Variants in PATZ1 observed in about 807,000 individuals in gnomAD.
PATZ1 encodes POZ/BTB and AT hook containing zinc finger 1.
A neutral mutation model predicts 46.2 loss-of-function variants in PATZ1; 9 were observed. The observed-to-expected ratio is 0.19, with a 90% CI of 0.12 to 0.34. PATZ1 has a LOEUF of 0.34. Among genes scored for constraint, PATZ1 ranks in the 10% least tolerant of loss-of-function variants. PATZ1 has a pLI of 1.00. For missense variants in PATZ1, 632 were observed against 923.0 expected, an observed-to-expected ratio of 0.68 and a Z score of 4.08; for synonymous variants, 426 against 378.6, an observed-to-expected ratio of 1.13 and a Z score of -1.45.
chr22:31,341,441 C>T, intron 2 of PATZ1: 1 of 1,593,764 alleles, frequency 6.3e-7, no homozygotes, highest in Non-Finnish European at 8.6e-7. Flanking sequence ...CCCTGCTGCC[C>T]TCTGGGGTGG....
chr22:31,343,503 A>C, intron 1 of PATZ1: 1 of 905,412 alleles, frequency 1.1e-6, no homozygotes, highest in African/African-American at 1.8e-5. Flanking sequence ...GGGCTGCCTG[A>C]CCGGTAAGAC....
At chr22:31,336,836 G>A (rs1157796771) in intron 2 of PATZ1, among the ~76,000 whole-genome samples, 6 of 145,846 alleles carry the variant, frequency 4.1e-5, no homozygotes, top group Non-Finnish European at 1.5e-5. Flanking sequence ...AAATCCGGGC[G>A]CGGTGGCTCA....
rs1261586818 is a variant in PATZ1, at chr22:31,327,275, C to T, written c.1680G>A (p.Glu560=). Reference sequence around the variant, plus strand: ...AGAGGTCACCATAGGAGTCAGAGCTCTCAATCGGATCCTGATGTGAGCATT... The same window carrying T: ...AGAGGTCACCATAGGAGTCAGAGCTTTCAATCGGATCCTGATGTGAGCATT... ...GQKCSHQDPI[E]SSDSYGDLSD... The change falls in exon 5 of 5, where the codon GAG becomes GAA. Residue 560 remains glutamate, a synonymous_variant. Transcript: ENST00000266269. This position sits in a 1 kb window ranked among gnomAD's most constrained non-coding sequence, Gnocchi z 4.2. The T allele has an allele frequency of 6.2e-7, 1 of 1,614,156 alleles. No homozygotes were observed. Among genetic ancestry groups the T allele is most frequent in the Admixed American group, 1.7e-5 (1 of 60,030 alleles).
In PATZ1 at chr22:31,345,616, TC is replaced by T. The variant is rs2049644530; in HGVS notation, c.-15del. The T allele has an allele frequency of 1.3e-6, 2 of 1,576,682 alleles. No homozygotes were observed. The highest frequency in any genetic ancestry group is 8.6e-7 in the Non-Finnish European group (1 of 1,156,978). On this transcript the variant is annotated 5_prime_UTR_variant, in exon 1 of 5. Transcript: ENST00000266269. The surrounding 1 kb of genome is among the most constrained non-coding windows in gnomAD (Gnocchi z 7.4). ...CACCCGCTCCATGGCCGCCGCCCCC[TC>T]CCACTAGCCCGGCCGCTGCACCTGC...
Position 31,344,358 on chromosome 22 carries a change from G to A in PATZ1, c.1245C>T (p.Cys415=). 6.2e-7 allele frequency: 1 copy of A among 1,612,038 alleles called. No individual in the cohort carries two copies. The highest frequency in any genetic ancestry group is 8.5e-7 in the Non-Finnish European group (1 of 1,178,804). ...TGGAGAAGCCTTTCCCACAGCTCTG[G>A]CAGATGTAAGGCTTGCCCACGGACC... ...HDGSVGKPYI[C]QSCGKGFSRP... The change falls in exon 1 of 5, where the codon TGC becomes TGT. Residue 415 remains cysteine, a synonymous_variant. Transcript: ENST00000266269.
At chr22:31,342,805 G>GC (rs910290034) in intron 2 of PATZ1, 92 bp downstream of exon 2, 22 of 1,414,512 alleles carry the variant, frequency 1.6e-5, no homozygotes, top group Non-Finnish European at 2.1e-5. Context: ...GGTCAGCCGG[G>GC]CCCCCGGCAC....
rs189173906 is a variant in PATZ1 at position 31,327,118 on chromosome 22, A to G, written c.1837T>C (p.Phe613Leu). ...KKYPCPECGS[F>L]FRSKSYLNKH... The stretch of plus-strand genomic sequence containing the variant: ...TTCAAGTAGGACTTAGAGCGGAAGA[A>G]GCTCCCACATTCAGGGCATGGGTAC... The change falls in exon 5 of 5, where the codon TTC (phenylalanine) becomes CTC (leucine). Residue 613 changes from phenylalanine (F) to leucine (L), a missense_variant. Phe to Leu is a conservative substitution (Grantham distance 22, BLOSUM62 0). Around this residue, in one of 7 missense-constraint regions of PATZ1, gnomAD observed 176 missense variants for 249.4 expected, o/e 0.71. Coordinates refer to ENST00000266269, the MANE Select transcript of PATZ1 (RefSeq NM_014323.3). The surrounding 1 kb of genome is among the most constrained non-coding windows in gnomAD (Gnocchi z 4.2). The G allele has an allele frequency of 1.2e-6, 2 of 1,614,110 alleles. No homozygotes were observed.
chr22:31,334,763 G>T (rs2049487154), intron 3 of PATZ1, among the ~76,000 whole-genome samples: 1 of 152,100 alleles, frequency 6.6e-6, no homozygotes, highest in South Asian at 2.1e-4. Context: ...CCTAGTGAGA[G>T]GCTGGGACTA....
Position 31,327,335 on chromosome 22 carries a change from G to T in PATZ1, c.1646-26C>A. 6.3e-7 allele frequency: 1 copy of T among 1,597,400 alleles called. No individual in the cohort carries two copies. The highest frequency in any genetic ancestry group is 1.1e-5 in the South Asian group (1 of 90,400). ...CTACGAAAAAACAAAATATAGGAGA[G>T]CGATGAGGCCAGGCTCTGGAGATGC... On this transcript the variant is annotated intron_variant, in intron 4 of 4. Transcript: ENST00000266269. The surrounding 1 kb of genome is among the most constrained non-coding windows in gnomAD (Gnocchi z 4.2).
At chr22:31,331,638 G>A (rs879803199) in intron 3 of PATZ1, among the ~76,000 whole-genome samples, 1 of 151,608 alleles carries the variant, frequency 6.6e-6, no homozygotes, top group Non-Finnish European at 1.5e-5. Flanking sequence ...CACCGTGCCC[G>A]GCCTTTCCTT....
At chr22:31,340,967 T>C in intron 2 of PATZ1, 2 of 1,070,700 alleles carry the variant, frequency 1.9e-6, no homozygotes, top group South Asian at 4.5e-5. Context: ...CTAGTTGGAA[T>C]TGTGCCAGTC....
chr22:31,341,588 C>G (rs757530220), intron 2 of PATZ1: 1 of 1,614,136 alleles, frequency 6.2e-7, no homozygotes, highest in South Asian at 1.1e-5. Context: ...CCGAATGGGA[C>G]GACCTCCACA....
rs1430870798 is a variant in PATZ1 at position 31,326,236 on chromosome 22, G to C, written c.*655C>G. The C allele has an allele frequency of 2.2e-5, 5 of 227,254 alleles. No individual in the cohort carries two copies. Among genetic ancestry groups the C allele is most frequent in the African/African-American group, 8.9e-5 (4 of 45,108 alleles). The allele number at this position is 227,254 out of a possible 1,614,324, so 14.1% of individuals were successfully genotyped here. ...ATGTTGAATGGTTAAAATCACGTAAGAACTGAAATTTGGGGTGGGGGTGTC... is the reference window on the plus strand; with the variant it reads ...ATGTTGAATGGTTAAAATCACGTAACAACTGAAATTTGGGGTGGGGGTGTC... On this transcript the variant is annotated 3_prime_UTR_variant, in exon 5 of 5. Transcript: ENST00000266269.
At chr22:31,340,410 T>G (rs1192905697) in intron 2 of PATZ1, among the ~76,000 whole-genome samples, 1 of 152,208 alleles carries the variant, frequency 6.6e-6, no homozygotes, top group Non-Finnish European at 1.5e-5. Context: ...TCTTATGTTT[T>G]CAGCATCCCC....
At chr22:31,342,981 A>G (rs372250362) in intron 1 of PATZ1, 21 bp from the exon 2 acceptor site, 5 of 1,613,578 alleles carry the variant, frequency 3.1e-6, no homozygotes, top group African/African-American at 1.3e-5. Flanking sequence ...GAGAACCAAG[A>G]GGGACTTTAG....
Position 31,342,903 on chromosome 22 carries a change from C to T in PATZ1, c.1329G>A (p.Lys443=), listed in dbSNP as rs143904104. The change falls in exon 2 of 5, where the codon AAG becomes AAA. Residue 443 remains lysine (K), a synonymous_variant. Transcript: ENST00000266269. The part of the protein sequence containing the change: ...KQVHTSERPH[K]CQTCNASFAT... ...GCCCTGACCCAGCCCCTACCTGACACTTGTGAGGCCGCTCAGAAGTGTGCA... is the reference window on the plus strand; with the variant it reads ...GCCCTGACCCAGCCCCTACCTGACATTTGTGAGGCCGCTCAGAAGTGTGCA... 1.9e-6 allele frequency: 3 copies of T among 1,613,964 alleles called. No individual in the cohort carries two copies. The highest frequency in any genetic ancestry group is 1.7e-5 in the Admixed American group (1 of 60,008).
At position 31,344,961 on chromosome 22, in the gene PATZ1, C is replaced by T. The variant is rs146686035; in HGVS notation, c.642G>A (p.Arg214=). The change falls in exon 1 of 5, where the codon CGG becomes CGA. Residue 214 remains arginine (R), a synonymous_variant. Coordinates refer to ENST00000266269, the MANE Select transcript of PATZ1 (RefSeq NM_014323.3). ...GSMQPEEEAA[R]AAGAAIAGQA... is the part of the protein sequence containing the mutation. ...GGCCTGCAATGGCTGCACCAGCCGC[C>T]CGAGCTGCCTCCTCCTCTGGCTGCA... 520 of 1,613,806 alleles carry T rather than the reference C, an allele frequency of 3.2e-4. No homozygotes were observed. The highest frequency in any genetic ancestry group is 4.2e-4 in the Non-Finnish European group (492 of 1,180,038).
At chr22:31,341,597 C>A in intron 2 of PATZ1, 1 of 1,614,164 alleles carries the variant, frequency 6.2e-7, no homozygotes, top group Non-Finnish European at 8.5e-7. Context: ...ACGACCTCCA[C>A]AAAGCAGGCT....
intron 3 of PATZ1, among the ~76,000 whole-genome samples, chr22:31,333,999 A>G (rs181338104): frequency 4.5e-4 from 68 of 152,158 alleles, no homozygotes; most frequent in Non-Finnish European, 2.6e-4. Context: ...TCTGAGTTTT[A>G]TCATGAGCAC....
Sources: gnomAD v4.1 joint callset for allele counts (sites outside exome capture counted in the v4.1 genomes callset) on GRCh38, gnomAD v4.1.1 for gene constraint, gnomAD v4.1.1 regional missense constraint, Gnocchi (gnomAD v3.1) non-coding constraint, MANE v1.5 for transcripts, NCBI Gene and HGNC (gene_info 2026-07-23, HGNC 2026-07-21) for gene names.